Variants in HMOX2 observed in about 807,000 individuals in gnomAD.
The protein encoded by HMOX2 is heme oxygenase (decycling) 2.
In HMOX2, 30 loss-of-function variants were observed where a neutral mutation model predicts 33.7. The ratio of observed to expected loss-of-function variants is 0.89; its 90% confidence interval spans 0.67 to 1.21. HMOX2 has a LOEUF of 1.21. Among genes scored for constraint, HMOX2 ranks in the 50% most tolerant of loss-of-function variants. The pLI is 0.00. For missense variants in HMOX2, 403 were observed against 399.1 expected (o/e 1.01, Z -0.08); for synonymous variants, 155 against 155.0 (o/e 1.00, Z 0.00).
At chr16:4,509,058 AAAAG>A (rs1043179180) in intron 4 of HMOX2, among the ~76,000 whole-genome samples, 3 of 152,190 alleles carry the variant, frequency 2.0e-5, no homozygotes, top group Admixed American at 2.0e-4. Context: ...GGCGTCCTCT[AAAAG>A]GAGAGTGTAG....
intron 1 of HMOX2, among the ~76,000 whole-genome samples, chr16:4,503,892 C>A (rs572114121): frequency 6.6e-5 from 10 of 152,300 alleles, no homozygotes; most frequent in African/African-American, 1.7e-4. Context: ...TAAATAAGTT[C>A]TTTTTCCTTG....
At chr16:4,493,100 C>T (rs957359155) in intron 1 of HMOX2, among the ~76,000 whole-genome samples, 1 of 152,198 alleles carries the variant, frequency 6.6e-6, no homozygotes, top group Non-Finnish European at 1.5e-5. Flanking sequence ...GTAGTTCAGT[C>T]ATAGCTCACT....
intron 1 of HMOX2, among the ~76,000 whole-genome samples, chr16:4,501,891 G>C (rs1240084558): frequency 1.3e-5 from 2 of 152,184 alleles, no homozygotes; most frequent in East Asian, 3.8e-4. Context: ...TGCTAACCGA[G>C]CCTTCCCAGG....
intron 4 of HMOX2, among the ~76,000 whole-genome samples, chr16:4,508,655 C>T (rs1336953136): frequency 6.6e-6 from 1 of 152,116 alleles, no homozygotes; most frequent in Non-Finnish European, 1.5e-5. Context: ...TACTCTGTCC[C>T]CAGGTCCTGT....
At chr16:4,482,872 A>C (rs972828381) in intron 1 of HMOX2, among the ~76,000 whole-genome samples, 1 of 152,130 alleles carries the variant, frequency 6.6e-6, no homozygotes, top group Non-Finnish European at 1.5e-5. Flanking sequence ...TAGTAAAAAT[A>C]CAAAAAAATT....
intron 1 of HMOX2, among the ~76,000 whole-genome samples, chr16:4,495,269 C>G (rs973678970): frequency 3.9e-5 from 6 of 152,160 alleles, no homozygotes; most frequent in Admixed American, 3.9e-4. Flanking sequence ...GAAGCAGATT[C>G]CATTCCCCTT....
intron 2 of HMOX2, 113 bp downstream of exon 2, chr16:4,505,723 C>G (rs1173616044): frequency 1.4e-6 from 1 of 719,198 alleles, no homozygotes; most frequent in Non-Finnish European, 2.3e-6. Flanking sequence ...GCCATGAGCT[C>G]TGGACCCCTG....
intron 1 of HMOX2, among the ~76,000 whole-genome samples, chr16:4,503,435 GCATCGT>G (rs1242394735): frequency 1.3e-5 from 2 of 152,138 alleles, no homozygotes; most frequent in Non-Finnish European, 2.9e-5. Context: ...ACTGTGCTGT[GCATCGT>G]ACAGTTCATC....
intron 1 of HMOX2, among the ~76,000 whole-genome samples, chr16:4,477,086 C>T (rs1433563705): frequency 1.3e-5 from 2 of 152,092 alleles, no homozygotes; most frequent in Non-Finnish European, 2.9e-5. Flanking sequence ...CCGGTTAGTC[C>T]GGACGCGGGT....
At position 4,503,439 on chromosome 16, in the gene HMOX2, C is replaced by T. The variant is rs552247884; in HGVS notation, c.-41-2045C>T. ...CATTCTTCTAGACTGTGCTGTGCATCGTACAGTTCATCAGCATTATTGCAG... is the reference window on the plus strand; with the variant it reads ...CATTCTTCTAGACTGTGCTGTGCATTGTACAGTTCATCAGCATTATTGCAG... On this transcript the variant is annotated intron_variant, in intron 1 of 5. Transcript: ENST00000570646. Among the ~76,000 whole-genome samples, 8 of 152,264 alleles carry T rather than the reference C, an allele frequency of 5.3e-5. No homozygotes were observed. In the South Asian group the frequency reaches 1.5e-3, roughly 28 times the overall value.
intron 1 of HMOX2, among the ~76,000 whole-genome samples, chr16:4,499,207 G>A (rs2058498652): frequency 6.6e-6 from 1 of 152,220 alleles, no homozygotes; most frequent in African/African-American, 2.4e-5. Context: ...CAATATTTGA[G>A]GTGGTGCTGC....
intron 1 of HMOX2, among the ~76,000 whole-genome samples, chr16:4,482,986 C>T (rs946294363): frequency 2.6e-5 from 4 of 151,802 alleles, no homozygotes; most frequent in Non-Finnish European, 4.4e-5. Flanking sequence ...AATGAGATCA[C>T]GCCACCGCAC....
At chr16:4,477,231 GC>G (rs2057880662) in intron 1 of HMOX2, among the ~76,000 whole-genome samples, 1 of 152,160 alleles carries the variant, frequency 6.6e-6, no homozygotes, top group East Asian at 1.9e-4. Flanking sequence ...CGGGTCGGTG[GC>G]TCACGCCTGT....
chr16:4,489,063 A>G (rs1245200731), intron 1 of HMOX2, among the ~76,000 whole-genome samples: 1 of 152,076 alleles, frequency 6.6e-6, no homozygotes, highest in East Asian at 1.9e-4. Flanking sequence ...TCTTTATATA[A>G]GGAGGGGGCA....
intron 1 of HMOX2, among the ~76,000 whole-genome samples, chr16:4,480,137 T>G (rs973215375): frequency 3.0e-4 from 45 of 152,100 alleles, no homozygotes; most frequent in African/African-American, 1.0e-3. Flanking sequence ...AATCTCTGCC[T>G]CTGGGGTTCA....
At chr16:4,482,353 C>G (rs547316236) in intron 1 of HMOX2, among the ~76,000 whole-genome samples, 1 of 152,058 alleles carries the variant, frequency 6.6e-6, no homozygotes, top group Non-Finnish European at 1.5e-5. Flanking sequence ...GCAAAAAAAC[C>G]CAAAGTCTTT....
chr16:4,498,451 T>A (rs897654008), intron 1 of HMOX2, among the ~76,000 whole-genome samples: 2 of 151,886 alleles, frequency 1.3e-5, no homozygotes, highest in African/African-American at 4.8e-5. Flanking sequence ...CATAGTTCAC[T>A]GCATCCTTGA....
At chr16:4,486,511 G>T (rs1165447644) in intron 1 of HMOX2, among the ~76,000 whole-genome samples, 2 of 152,236 alleles carry the variant, frequency 1.3e-5, no homozygotes, top group Non-Finnish European at 2.9e-5. Context: ...TGGGGATGAG[G>T]TGAGTTGAAG....
Position 4,507,805 on chromosome 16 carries a change from C to T in HMOX2, c.297C>T (p.Phe99=). The change falls in exon 4 of 6, where the codon TTC becomes TTT. Residue 99 remains phenylalanine, a synonymous_variant. Transcript: ENST00000570646. Reference sequence around the variant, plus strand: ...ATCCAGCCTTTGCCCCTTTGTACTTCCCCATGGAGCTGCACCGGAAGGAGG... The same window carrying T: ...ATCCAGCCTTTGCCCCTTTGTACTTTCCCATGGAGCTGCACCGGAAGGAGG... ...KDHPAFAPLY[F]PMELHRKEAL... 1 of 1,614,186 alleles carries T rather than the reference C, an allele frequency of 6.2e-7. No individual in the cohort carries two copies. Among genetic ancestry groups the T allele is most frequent in the Non-Finnish European group, 8.5e-7 (1 of 1,180,034 alleles).
Sources: gnomAD v4.1 joint callset for allele counts (sites outside exome capture counted in the v4.1 genomes callset) on GRCh38, gnomAD v4.1.1 for gene constraint, MANE v1.5 for transcripts, NCBI Gene and HGNC (gene_info 2026-07-23, HGNC 2026-07-21) for gene names.